AAGAB: variants seen among roughly 807,000 people sequenced by gnomAD.
AAGAB encodes alpha- and gamma-adaptin-binding protein p34.
Under a neutral mutation model 44.1 loss-of-function variants are expected in AAGAB, and 38 were observed. The ratio of observed to expected loss-of-function variants is 0.86; its 90% CI spans 0.67 to 1.13. The LOEUF is 1.13. Among genes scored for constraint, AAGAB ranks in the 50% most tolerant of loss-of-function variants. The probability of loss-of-function intolerance (pLI) is 0.00; values close to 1 mark genes in which losing one functional copy is unlikely to be tolerated. For missense variants in AAGAB, 450 were observed against 373.8 expected (o/e 1.20, Z -1.68); for synonymous variants, 131 against 131.8 (o/e 0.99, Z 0.04).
chr15:67,237,552 C>T (rs1334519437), intron 1 of AAGAB, among the ~76,000 whole-genome samples: 1 of 152,130 alleles, frequency 6.6e-6, no homozygotes, highest in Admixed American at 6.5e-5. Context: ...CAGTAAGAGA[C>T]AAGTCAATGG....
At chr15:67,239,710 C>A (rs764668153) in intron 1 of AAGAB, among the ~76,000 whole-genome samples, 5 of 152,114 alleles carry the variant, frequency 3.3e-5, no homozygotes, top group Non-Finnish European at 5.9e-5. Flanking sequence ...TAAAGACTGT[C>A]TCATTCTAAT....
chr15:67,211,208 C>T (rs1963811466), intron 5 of AAGAB, among the ~76,000 whole-genome samples: 1 of 152,190 alleles, frequency 6.6e-6, no homozygotes, highest in South Asian at 2.1e-4. Flanking sequence ...CAACCCAGTA[C>T]CTCTGCATTA....
At chr15:67,239,101 C>A (rs1964536876) in intron 1 of AAGAB, among the ~76,000 whole-genome samples, 2 of 152,098 alleles carry the variant, frequency 1.3e-5, no homozygotes, top group Admixed American at 1.3e-4. Context: ...GGGCAAAGTA[C>A]AAAGGCAGGG....
intron 1 of AAGAB, among the ~76,000 whole-genome samples, chr15:67,247,718 T>A (rs1408280864): frequency 6.6e-6 from 1 of 152,212 alleles, no homozygotes; most frequent in Non-Finnish European, 1.5e-5. Context: ...AAAAGTCAAA[T>A]TCTCTACTCT....
chr15:67,238,435 G>C (rs1433996239), intron 1 of AAGAB, among the ~76,000 whole-genome samples: 1 of 152,100 alleles, frequency 6.6e-6, no homozygotes, highest in Non-Finnish European at 1.5e-5. Context: ...TAAAATCAAA[G>C]ATGTTGTTTT....
intron 5 of AAGAB, among the ~76,000 whole-genome samples, chr15:67,222,242 G>A (rs11630215): frequency 0.076 from 6,844 of 89,878 alleles, 295 homozygotes; most frequent in African/African-American, 0.16. Flanking sequence ...GCGCGCGCGC[G>A]CACACACACA....
At chr15:67,240,894 T>G (rs1277817415) in intron 1 of AAGAB, among the ~76,000 whole-genome samples, 3 of 152,308 alleles carry the variant, frequency 2.0e-5, no homozygotes, top group Non-Finnish European at 4.4e-5. Flanking sequence ...AAAGTACAAA[T>G]GTGGTAACCA....
intron 5 of AAGAB, among the ~76,000 whole-genome samples, chr15:67,230,883 C>T (rs1276266403): frequency 6.6e-6 from 1 of 152,136 alleles, no homozygotes; most frequent in Non-Finnish European, 1.5e-5. Context: ...GCCAAACCTC[C>T]CTGCACACCA....
intron 7 of AAGAB, among the ~76,000 whole-genome samples, chr15:67,205,817 A>G (rs1963671828): frequency 6.6e-6 from 1 of 152,094 alleles, no homozygotes; most frequent in Non-Finnish European, 1.5e-5. Flanking sequence ...TAGTAAAGAG[A>G]TAAGGAGGAA....
chr15:67,209,958 C>T (rs1425645096), intron 5 of AAGAB, among the ~76,000 whole-genome samples: 2 of 152,146 alleles, frequency 1.3e-5, no homozygotes, highest in Admixed American at 1.3e-4. Context: ...GAGCCACACC[C>T]CTGGCCCTGA....
rs563332457 is a variant in AAGAB, at chr15:67,213,661, C to T, written c.536-4117G>A. On this transcript the variant is annotated intron_variant, in intron 5 of 9. Transcript: ENST00000261880. ...TAAGGCATGGATATGAATCCTACTT[C>T]TACTATTTACTGTGTGGTTTTATAC... Among the ~76,000 whole-genome samples the T allele has an allele frequency of 3.9e-5, 6 of 152,270 alleles. No individual in the cohort carries two copies. The South Asian group carries it at 1.2e-3, about 32-fold the overall frequency.
chr15:67,236,207 A>G lies in AAGAB; in HGVS notation c.362-139T>C, dbSNP rs987779993. ...AAGGCATCTAAAATAATAAAAAGAA[A>G]ATGACTTCTCAGCCCCGAAGTATCC... On this transcript the variant is annotated intron_variant, in intron 3 of 9. Coordinates refer to ENST00000261880, the MANE Select transcript of AAGAB (RefSeq NM_024666.5). The G allele has an allele frequency of 2.2e-5, 19 of 872,590 alleles. No homozygotes were observed. The African/African-American group carries it at 3.1e-4, about 14-fold the overall frequency. The allele number at this position is 872,590 out of a possible 1,614,324, so 54.1% of individuals were successfully genotyped here.
chr15:67,252,482 T>C (rs1964892843), intron 1 of AAGAB, among the ~76,000 whole-genome samples: 1 of 152,184 alleles, frequency 6.6e-6, no homozygotes, highest in Non-Finnish European at 1.5e-5. Flanking sequence ...GTGTATTAAA[T>C]GTAATTACAA....
intron 1 of AAGAB, among the ~76,000 whole-genome samples, chr15:67,242,140 G>A (rs932451555): frequency 4.9e-5 from 7 of 142,498 alleles, no homozygotes; most frequent in African/African-American, 1.5e-4. Flanking sequence ...AAATCATATC[G>A]GGGCCGGGCG....
intron 5 of AAGAB, among the ~76,000 whole-genome samples, chr15:67,222,303 A>G (rs1964102982): frequency 1.6e-5 from 2 of 124,800 alleles, no homozygotes; most frequent in Admixed American, 9.4e-5. Flanking sequence ...ATGCTGCCTG[A>G]CTTTAGTTTT....
At chr15:67,229,299 G>A (rs1184404581) in intron 5 of AAGAB, among the ~76,000 whole-genome samples, 2 of 152,028 alleles carry the variant, frequency 1.3e-5, no homozygotes, top group African/African-American at 4.8e-5. Flanking sequence ...TGGGAGTGGT[G>A]GTGCGCGCCT....
intron 1 of AAGAB, among the ~76,000 whole-genome samples, chr15:67,250,832 C>T (rs1964847867): frequency 6.6e-6 from 1 of 152,128 alleles, no homozygotes; most frequent in African/African-American, 2.4e-5. Context: ...GGAGACCATC[C>T]TGGCTAACAC....
At position 67,254,612 on chromosome 15, in the gene AAGAB, C is replaced by G. The variant is rs886791512; in HGVS notation, c.20G>C (p.Cys7Ser). 6.2e-7 allele frequency: 1 copy of G among 1,606,016 alleles called. No individual in the cohort carries two copies. Among genetic ancestry groups the G allele is most frequent in the Non-Finnish European group, 8.5e-7 (1 of 1,177,962 alleles). Residue 7 changes from cysteine (C) to serine (S), a missense_variant, in exon 1 of 10, where the codon TGT (cysteine) becomes TCT (serine). Coordinates refer to ENST00000261880, the MANE Select transcript of AAGAB (RefSeq NM_024666.5). Reference sequence around the variant, plus strand: ...GGAGGAGCAGCTGGTGACTAACGCACAGGGTACGCCAGCAGCCATAGCTGC... The same window carrying G: ...GGAGGAGCAGCTGGTGACTAACGCAGAGGGTACGCCAGCAGCCATAGCTGC... MAAGVP[C>S]ALVTSCSSVF... is the part of the protein sequence containing the mutation.
intron 5 of AAGAB, 111 bp from the exon 6 acceptor site, chr15:67,209,655 A>G (rs1595981399): frequency 6.3e-6 from 5 of 788,038 alleles, no homozygotes; most frequent in East Asian, 2.6e-5. Flanking sequence ...TTCTAACTAC[A>G]TATATATATA....
Sources: allele counts gnomAD v4.1 joint callset (sites outside exome capture counted in the v4.1 genomes callset), GRCh38; gene constraint gnomAD v4.1.1; transcripts MANE v1.5; gene names NCBI Gene and HGNC (gene_info 2026-07-23, HGNC 2026-07-21).